Variants in SLC16A10 observed in about 807,000 individuals in gnomAD.
SLC16A10 encodes the protein monocarboxylate transporter 10.
A neutral mutation model predicts 40.0 loss-of-function variants in SLC16A10; 27 were observed. The ratio of observed to expected loss-of-function variants is 0.67; its 90% CI spans 0.50 to 0.93. SLC16A10 has a LOEUF of 0.93. Ranked by LOEUF, SLC16A10 falls within the 40% of genes least tolerant of loss-of-function variation. SLC16A10 has a pLI of 0.00. For synonymous variants in SLC16A10, 213 were observed against 249.8 expected (o/e 0.85, Z 1.39); for missense variants, 529 against 658.2 (o/e 0.80, Z 2.15).
intron 1 of SLC16A10, among the ~76,000 whole-genome samples, chr6:111,091,583 C>A (rs535669431): frequency 1.5e-4 from 23 of 152,258 alleles, no homozygotes; most frequent in African/African-American, 5.5e-4. Flanking sequence ...CAAGATACTT[C>A]CATATGCCGT....
chr6:111,140,943 A>G (rs1771971234), intron 1 of SLC16A10, among the ~76,000 whole-genome samples: 1 of 152,060 alleles, frequency 6.6e-6, no homozygotes, highest in East Asian at 1.9e-4. Flanking sequence ...GTGCCACCAA[A>G]TCCAGCTAAT....
At chr6:111,145,706 G>A (rs531342039) in intron 1 of SLC16A10, among the ~76,000 whole-genome samples, 15 of 152,154 alleles carry the variant, frequency 9.9e-5, no homozygotes, top group East Asian at 3.9e-4. Flanking sequence ...AAAATCAGCC[G>A]GGCATGGCAG....
chr6:111,223,537 C>A lies in SLC16A10; in HGVS notation c.*1302C>A, dbSNP rs1770940175. On this transcript the variant is annotated 3_prime_UTR_variant, in exon 6 of 6. Coordinates refer to ENST00000368851, the MANE Select transcript of SLC16A10 (RefSeq NM_018593.5). ...TTTTGATTGTGAAGACATTCAGCAA[C>A]TTACTTTGTCATACATGCAGTTGCA... The A allele has an allele frequency of 6.6e-6, 1 of 152,150 alleles. No homozygotes were observed. Among genetic ancestry groups the A allele is most frequent in the South Asian group, 2.1e-4 (1 of 4,826 alleles). The allele number at this position is 152,150 out of a possible 1,614,324, so 9.4% of individuals were successfully genotyped here. A position where few individuals can be genotyped will look rare whatever the true frequency, so the allele number is the denominator to read the frequency against.
intron 1 of SLC16A10, among the ~76,000 whole-genome samples, chr6:111,131,176 G>A (rs553850149): frequency 5.8e-4 from 88 of 152,310 alleles, no homozygotes; most frequent in South Asian, 1.9e-3. Context: ...CAGACCCGCC[G>A]CTGACTTCCA....
chr6:111,137,779 G>A (rs545676660), intron 1 of SLC16A10, among the ~76,000 whole-genome samples: 1 of 152,192 alleles, frequency 6.6e-6, no homozygotes, highest in African/African-American at 2.4e-5. Context: ...TTCCTAGGCC[G>A]ACTAAGAATC....
intron 3 of SLC16A10, among the ~76,000 whole-genome samples, chr6:111,179,265 T>C (rs1772746943): frequency 6.6e-6 from 1 of 152,270 alleles, no homozygotes; most frequent in African/African-American, 2.4e-5. Flanking sequence ...ATTTATAATT[T>C]GTAAATTAAT....
At chr6:111,210,723 G>T (rs574582116) in intron 4 of SLC16A10, among the ~76,000 whole-genome samples, 1 of 152,150 alleles carries the variant, frequency 6.6e-6, no homozygotes, top group Non-Finnish European at 1.5e-5. Context: ...AAGCCAGGAT[G>T]AAGAGACTTT....
intron 1 of SLC16A10, among the ~76,000 whole-genome samples, chr6:111,137,603 G>A (rs559227005): frequency 1.3e-5 from 2 of 152,294 alleles, no homozygotes; most frequent in South Asian, 2.1e-4. Context: ...TCCATGCTTC[G>A]ATGTTGATGA....
At chr6:111,171,511 A>C (rs2114540814) in intron 1 of SLC16A10, among the ~76,000 whole-genome samples, 1 of 152,336 alleles carries the variant, frequency 6.6e-6, no homozygotes, top group East Asian at 1.9e-4. Context: ...CACAAAAGAA[A>C]TATGACTGAC....
At chr6:111,163,317 T>C (rs1772409748) in intron 1 of SLC16A10, among the ~76,000 whole-genome samples, 1 of 150,992 alleles carries the variant, frequency 6.6e-6, no homozygotes, top group Admixed American at 6.6e-5. Flanking sequence ...TACGCCCGGC[T>C]AATTTTTTGT....
chr6:111,178,264 G>C, intron 3 of SLC16A10: 1 of 437,002 alleles, frequency 2.3e-6, no homozygotes. Flanking sequence ...TACACTTCTG[G>C]GAAAATGGGA....
chr6:111,188,840 C>A (rs915582793), intron 3 of SLC16A10, among the ~76,000 whole-genome samples: 1 of 152,134 alleles, frequency 6.6e-6, no homozygotes, highest in Admixed American at 6.5e-5. Flanking sequence ...CTCATGGTAA[C>A]CTTTTATAAG....
At chr6:111,186,101 C>T (rs1356334068) in intron 3 of SLC16A10, among the ~76,000 whole-genome samples, 1 of 152,112 alleles carries the variant, frequency 6.6e-6, no homozygotes, top group Non-Finnish European at 1.5e-5. Flanking sequence ...GTTCTCACCA[C>T]ATTGCCCAGG....
chr6:111,141,749 G>A (rs962902196), intron 1 of SLC16A10, among the ~76,000 whole-genome samples: 4 of 152,138 alleles, frequency 2.6e-5, no homozygotes, highest in African/African-American at 4.8e-5. Context: ...AGCAAAATAG[G>A]TATAAGAGAT....
chr6:111,193,405 A>G (rs1457710934), intron 3 of SLC16A10: 7 of 726,002 alleles, frequency 9.6e-6, no homozygotes, highest in Non-Finnish European at 1.2e-5. Flanking sequence ...ATGAATAAGG[A>G]TCTTTATTTA....
intron 1 of SLC16A10, among the ~76,000 whole-genome samples, chr6:111,154,093 A>G (rs552648515): frequency 6.6e-6 from 1 of 152,352 alleles, no homozygotes; most frequent in African/African-American, 2.4e-5. Flanking sequence ...GGTTAAGAAC[A>G]GTTTATTATT....
At chr6:111,146,876 AG>A (rs1343690300) in intron 1 of SLC16A10, among the ~76,000 whole-genome samples, 63 of 152,372 alleles carry the variant, frequency 4.1e-4, no homozygotes, top group African/African-American at 1.4e-3. Flanking sequence ...AGCCACAAAA[AG>A]CAATGAAGTA....
chr6:111,113,663 GCAGA>G (rs764042360), intron 1 of SLC16A10, among the ~76,000 whole-genome samples: 2 of 152,174 alleles, frequency 1.3e-5, no homozygotes, highest in South Asian at 2.1e-4. Flanking sequence ...AGCGTGTAAG[GCAGA>G]CAGACAGTGG....
chr6:111,172,744 A>G lies in SLC16A10; in HGVS notation c.393A>G (p.Ile131Met), dbSNP rs977341941. ...GGATGATTTTCTTTTGCTGCCCAATAGTCAGCGTCTTCACAGACCTATTTG... is the reference window on the plus strand; with the variant it reads ...GGATGATTTTCTTTTGCTGCCCAATGGTCAGCGTCTTCACAGACCTATTTG... ...SMGMIFFCCPIVSVFTDLFGC... is the reference protein window; with the variant it reads ...SMGMIFFCCPMVSVFTDLFGC... Residue 131 changes from isoleucine to methionine, a missense_variant, in exon 2 of 6, where the codon ATA becomes ATG. Transcript: ENST00000368851. The G allele has an allele frequency of 2.5e-6, 4 of 1,614,154 alleles. No homozygotes were observed. The Admixed American group carries it at 6.7e-5, about 27-fold the overall frequency.
Sources: gnomAD v4.1 joint callset for allele counts (sites outside exome capture counted in the v4.1 genomes callset) on GRCh38, gnomAD v4.1.1 for gene constraint, MANE v1.5 for transcripts, NCBI Gene and HGNC (gene_info 2026-07-23, HGNC 2026-07-21) for gene names.